The following NUBPL variants were observed in gnomAD, a reference collection of about 807,000 sequenced individuals.
NUBPL encodes the protein iron-sulfur cluster transfer protein NUBPL.
In NUBPL, 31 loss-of-function variants were observed where a neutral mutation model predicts 45.7. The ratio of observed to expected loss-of-function variants is 0.68; its 90% CI spans 0.51 to 0.92. NUBPL has a LOEUF of 0.92. NUBPL is among the 40% of genes least tolerant of loss of function. The probability of loss-of-function intolerance (pLI) is 0.00; values close to 1 mark genes in which losing one functional copy is unlikely to be tolerated. For missense variants in NUBPL, 401 were observed against 398.7 expected (o/e 1.01, Z -0.05); for synonymous variants, 144 against 140.9 (o/e 1.02, Z -0.15).
At chr14:31,621,948 G>A (rs1414979730) in intron 4 of NUBPL, among the ~76,000 whole-genome samples, 3 of 152,168 alleles carry the variant, frequency 2.0e-5, no homozygotes, top group Non-Finnish European at 4.4e-5. Flanking sequence ...AAGAAGATAG[G>A]AAGATATGGG....
intron 6 of NUBPL, among the ~76,000 whole-genome samples, chr14:31,731,031 A>G (rs1026258230): frequency 1.3e-5 from 2 of 152,252 alleles, no homozygotes; most frequent in Non-Finnish European, 2.9e-5. Flanking sequence ...GACATAGACT[A>G]TAAAGCAACT....
chr14:31,726,521 G>GT (rs1210985433), intron 6 of NUBPL, among the ~76,000 whole-genome samples: 1 of 152,186 alleles, frequency 6.6e-6, no homozygotes, highest in Non-Finnish European at 1.5e-5. Flanking sequence ...GGCATTCAGG[G>GT]TTTTTTGTTT....
intron 10 of NUBPL, among the ~76,000 whole-genome samples, chr14:31,858,387 G>A (rs962611759): frequency 6.6e-6 from 1 of 152,124 alleles, no homozygotes; most frequent in African/African-American, 2.4e-5. Flanking sequence ...TTACTATTGT[G>A]TTCTACAGTT....
intron 4 of NUBPL, among the ~76,000 whole-genome samples, chr14:31,646,685 G>T (rs2139721226): frequency 6.6e-6 from 1 of 151,954 alleles, no homozygotes; most frequent in South Asian, 2.1e-4. Flanking sequence ...TATGCCTTAG[G>T]GTAGTCTTTT....
At chr14:31,764,483 T>C (rs189804742) in intron 6 of NUBPL, among the ~76,000 whole-genome samples, 4 of 152,284 alleles carry the variant, frequency 2.6e-5, no homozygotes, top group Admixed American at 2.0e-4. Context: ...ATGACTGAAC[T>C]CCATAATGAT....
At chr14:31,815,153 T>G (rs564845597) in intron 7 of NUBPL, among the ~76,000 whole-genome samples, 2 of 152,330 alleles carry the variant, frequency 1.3e-5, no homozygotes, top group East Asian at 1.9e-4. Context: ...ACAACATTGA[T>G]TCTTCCTATT....
rs748313330 is a variant in NUBPL, at chr14:31,838,279, CA to C, written c.694-8172del. The stretch of plus-strand genomic sequence containing the variant: ...TAAATACATATAACCTAATATCCAG[CA>C]AAAAAAAAAAAAAAAAAAAGAGAGA... On this transcript the variant is annotated intron_variant, in intron 8 of 10. Transcript: ENST00000281081. Among the ~76,000 whole-genome samples the C allele has an allele frequency of 5.5e-3, 330 of 60,276 alleles. 2 individuals carry two copies. Among genetic ancestry groups the C allele is most frequent in the African/African-American group, 0.014 (272 of 19,616 alleles). The allele number at this position is 60,276 out of a possible 152,430, so 39.5% of individuals were successfully genotyped here.
At chr14:31,839,880 A>T (rs746855050) in intron 8 of NUBPL, among the ~76,000 whole-genome samples, 4 of 152,276 alleles carry the variant, frequency 2.6e-5, no homozygotes, top group Admixed American at 6.5e-5. Flanking sequence ...GCAAATCAAA[A>T]CCACAATGAG....
chr14:31,782,842 CAT>C (rs770860151), intron 6 of NUBPL, among the ~76,000 whole-genome samples: 1 of 152,142 alleles, frequency 6.6e-6, no homozygotes, highest in Non-Finnish European at 1.5e-5. Flanking sequence ...TTGCCTATTG[CAT>C]ATCAGTCTTT....
chr14:31,671,162 T>C (rs1314697617), intron 4 of NUBPL, among the ~76,000 whole-genome samples: 1 of 152,200 alleles, frequency 6.6e-6, no homozygotes, highest in Non-Finnish European at 1.5e-5. Context: ...CAGTGTTTTG[T>C]AATTCTCATT....
At chr14:31,804,092 A>T (rs2039641424) in intron 7 of NUBPL, among the ~76,000 whole-genome samples, 1 of 152,116 alleles carries the variant, frequency 6.6e-6, no homozygotes. Context: ...TAAACTCTTT[A>T]GGGCTCTTGT....
intron 4 of NUBPL, among the ~76,000 whole-genome samples, chr14:31,617,079 G>A (rs2034923109): frequency 6.6e-6 from 1 of 152,104 alleles, no homozygotes; most frequent in African/African-American, 2.4e-5. Flanking sequence ...CTGTTTGTCT[G>A]TTATTGGAGT....
At chr14:31,618,712 G>A (rs977330111) in intron 4 of NUBPL, among the ~76,000 whole-genome samples, 2 of 152,166 alleles carry the variant, frequency 1.3e-5, no homozygotes, top group African/African-American at 4.8e-5. Flanking sequence ...ATCAATTTTA[G>A]AAGCAGTGTG....
At chr14:31,786,197 T>C (rs1045568834) in intron 6 of NUBPL, among the ~76,000 whole-genome samples, 3 of 152,088 alleles carry the variant, frequency 2.0e-5, no homozygotes, top group Non-Finnish European at 4.4e-5. Flanking sequence ...AGCATGATTA[T>C]ATGGAAAGGA....
chr14:31,692,278 T>C (rs543472016), intron 6 of NUBPL, among the ~76,000 whole-genome samples: 16 of 152,364 alleles, frequency 1.1e-4, no homozygotes, highest in African/African-American at 3.6e-4. Flanking sequence ...TTAGTATTTT[T>C]TTTCCTCCTG....
chr14:31,725,832 C>T (rs2037911031), intron 6 of NUBPL, among the ~76,000 whole-genome samples: 1 of 151,502 alleles, frequency 6.6e-6, no homozygotes, highest in Non-Finnish European at 1.5e-5. Flanking sequence ...GCCTCAGCCT[C>T]CCAAGTAGCT....
At chr14:31,581,999 A>C (rs1240310640) in intron 3 of NUBPL, among the ~76,000 whole-genome samples, 1 of 152,220 alleles carries the variant, frequency 6.6e-6, no homozygotes, top group African/African-American at 2.4e-5. Flanking sequence ...CATTAGTTTT[A>C]AGCAGTTATT....
chr14:31,713,221 C>G (rs1016804003), intron 6 of NUBPL, among the ~76,000 whole-genome samples: 1 of 152,190 alleles, frequency 6.6e-6, no homozygotes, highest in East Asian at 1.9e-4. Flanking sequence ...TTCCCTTTCT[C>G]AACTTGAGTG....
chr14:31,689,974 A>C (rs963603252), intron 6 of NUBPL, among the ~76,000 whole-genome samples: 1 of 150,484 alleles, frequency 6.6e-6, no homozygotes, highest in African/African-American at 2.4e-5. Context: ...AGATGGTTGT[A>C]GGTGTGTGGC....
Sources: gnomAD v4.1 joint callset for allele counts (sites outside exome capture counted in the v4.1 genomes callset) on GRCh38, gnomAD v4.1.1 for gene constraint, MANE v1.5 for transcripts, NCBI Gene and HGNC (gene_info 2026-07-23, HGNC 2026-07-21) for gene names.